Variants in CLEC2B observed in about 807,000 individuals in gnomAD.
The protein encoded by CLEC2B is C-type (calcium dependent, carbohydrate-recognition domain) lectin, superfamily member 2 (activation-induced).
Under a neutral mutation model 16.2 loss-of-function variants are expected in CLEC2B, and 14 were observed. That is an observed-to-expected ratio of 0.86 (90% confidence interval 0.57 to 1.35). The LOEUF is 1.35. Ranked by LOEUF, CLEC2B falls within the 40% of genes most tolerant of loss-of-function variation. The pLI is 0.00. For synonymous variants in CLEC2B, 42 were observed against 55.8 expected (o/e 0.75, Z 1.10); for missense variants, 166 against 182.3 (o/e 0.91, Z 0.52).
chr12:9,860,394 T>C (rs914287469), intron 2 of CLEC2B, among the ~76,000 whole-genome samples: 4 of 151,832 alleles, frequency 2.6e-5, no homozygotes, highest in African/African-American at 7.2e-5. Context: ...ATAGTGTTAA[T>C]GAAAATACTT....
chr12:9,852,984 G>T lies in CLEC2B; in HGVS notation c.*316C>A. 4.1e-6 allele frequency: 1 copy of T among 244,746 alleles called. No homozygotes were observed. The highest frequency in any genetic ancestry group is 1.1e-4 in the East Asian group (1 of 9,466). The allele number at this position is 244,746 out of a possible 1,614,324, so 15.2% of individuals were successfully genotyped here. A position where few individuals can be genotyped will look rare whatever the true frequency, so the allele number is the denominator to read the frequency against. On this transcript the variant is annotated 3_prime_UTR_variant, in exon 5 of 5. Coordinates refer to ENST00000228438, the MANE Select transcript of CLEC2B (RefSeq NM_005127.3). ...TCTGGTACTCAAATTGTTCCATATTGGGTCATGAAAGTCCTGTCTAAGTGC... is the reference window on the plus strand; with the variant it reads ...TCTGGTACTCAAATTGTTCCATATTTGGTCATGAAAGTCCTGTCTAAGTGC...
intron 2 of CLEC2B, among the ~76,000 whole-genome samples, chr12:9,858,406 A>G (rs1286990417): frequency 1.3e-5 from 2 of 152,038 alleles, no homozygotes; most frequent in African/African-American, 4.8e-5. Context: ...TTTCTACATA[A>G]AAGCCTTATT....
rs202174326 is a variant in CLEC2B at position 9,857,602 on chromosome 12, A to C, written c.109T>G (p.Tyr37Asp). 6.2e-7 allele frequency: 1 copy of C among 1,610,950 alleles called. No homozygotes were observed. The change falls in exon 3 of 5, where the codon TAT becomes GAT. Residue 37 changes from tyrosine (Y) to aspartate (D), a missense_variant. Transcript: ENST00000228438. ...TTGTTTTGGAAACCAATCCAATCAT[A>C]GGGGCATAAACTCTGAGAATCTCGA... ...LTRDSQSLCP[Y>D]DWIGFQNKCY...
chr12:9,853,059 A>AAG lies in CLEC2B; in HGVS notation c.*239_*240dup. 2 of 268,014 alleles carry AAG rather than the reference A, an allele frequency of 7.5e-6. No homozygotes were observed. Among genetic ancestry groups the AAG allele is most frequent in the South Asian group, 7.6e-5 (2 of 26,402 alleles). The allele number at this position is 268,014 out of a possible 1,614,324, so 16.6% of individuals were successfully genotyped here. On this transcript the variant is annotated 3_prime_UTR_variant, in exon 5 of 5. Transcript: ENST00000228438. Reference sequence around the variant, plus strand: ...TTGTTTTCTGGTTTACAGTTAAAAAAAGAAAGAAAGAAAGAAAGAAAGAAA... The same window carrying AAG: ...TTGTTTTCTGGTTTACAGTTAAAAAAAGAGAAAGAAAGAAAGAAAGAAAGAAA...
At chr12:9,856,934 GC>G (rs1289936329) in intron 3 of CLEC2B, 1 of 152,124 alleles carries the variant, frequency 6.6e-6, no homozygotes, top group Non-Finnish European at 1.5e-5. Flanking sequence ...ATTTGTACCT[GC>G]TTTGTGCATA....
chr12:9,860,741 T>A (rs1867926941), intron 2 of CLEC2B, among the ~76,000 whole-genome samples: 1 of 151,834 alleles, frequency 6.6e-6, no homozygotes, highest in Non-Finnish European at 1.5e-5. Flanking sequence ...TGAGACAGAA[T>A]GATATAGATA....
At chr12:9,863,555 A>C (rs1867948913) in intron 1 of CLEC2B, among the ~76,000 whole-genome samples, 1 of 152,200 alleles carries the variant, frequency 6.6e-6, no homozygotes, top group South Asian at 2.1e-4. Context: ...CTAAAATAAC[A>C]CAAAAAACAA....
At chr12:9,861,808 T>C (rs895653149) in intron 2 of CLEC2B, among the ~76,000 whole-genome samples, 1 of 152,142 alleles carries the variant, frequency 6.6e-6, no homozygotes, top group African/African-American at 2.4e-5. Context: ...TAATTAAAAA[T>C]GAACAATATT....
chr12:9,868,798 C>T (rs1867991507), intron 1 of CLEC2B, among the ~76,000 whole-genome samples: 1 of 151,998 alleles, frequency 6.6e-6, no homozygotes, highest in African/African-American at 2.4e-5. Flanking sequence ...CTCCTAAAGC[C>T]CGGAGTATCT....
chr12:9,853,390 A>C lies in CLEC2B; in HGVS notation c.360T>G (p.Ser120Arg). The C allele has an allele frequency of 6.2e-7, 1 of 1,613,704 alleles. No individual in the cohort carries two copies. The highest frequency in any genetic ancestry group is 8.5e-7 in the Non-Finnish European group (1 of 1,179,754). Reference protein sequence around the residue: ...TFTKSFGMRGSEGCAYLSDDG... With the variant: ...TFTKSFGMRGREGCAYLSDDG... Reference sequence around the variant, plus strand: ...CATCGCTGAGGTAGGCACATCCTTCACTCCCTCTCATGCCAAACCTGCAAC... The same window carrying C: ...CATCGCTGAGGTAGGCACATCCTTCCCTCCCTCTCATGCCAAACCTGCAAC... The change falls in exon 5 of 5, where the codon AGT (serine) becomes AGG (arginine). Residue 120 changes from serine (S) to arginine (R), a missense_variant. Transcript: ENST00000228438.
At chr12:9,862,211 C>T (rs1475196013) in intron 2 of CLEC2B, among the ~76,000 whole-genome samples, 1 of 151,698 alleles carries the variant, frequency 6.6e-6, no homozygotes, top group Non-Finnish European at 1.5e-5. Flanking sequence ...TTTTAGTAGG[C>T]AAAACTAAGC....
Position 9,868,463 on chromosome 12 carries a change from C to T in CLEC2B, c.-3+742G>A, listed in dbSNP as rs1037905332. Among the ~76,000 whole-genome samples, 6 of 152,006 alleles carry T rather than the reference C, an allele frequency of 3.9e-5. No homozygotes were observed. In the East Asian group the frequency reaches 9.6e-4, roughly 24 times the overall value. On this transcript the variant is annotated intron_variant, in intron 1 of 4. Coordinates refer to ENST00000228438, the MANE Select transcript of CLEC2B (RefSeq NM_005127.3). ...GCTGGTAGGTTGACATTTAGTTAAA[C>T]GGGAAATGCTTAAAGCTCATCACAG...
chr12:9,866,225 T>G (rs1867969209), intron 1 of CLEC2B, among the ~76,000 whole-genome samples: 1 of 152,142 alleles, frequency 6.6e-6, no homozygotes, highest in African/African-American at 2.4e-5. Context: ...ATTAATTTTC[T>G]TTAAACCTCA....
At chr12:9,853,735 G>A (rs80166617) in intron 4 of CLEC2B, among the ~76,000 whole-genome samples, 3,215 of 152,180 alleles carry the variant, frequency 0.021, 111 homozygotes, top group African/African-American at 0.073. Context: ...TGTCTCAAGC[G>A]GAGGCAGAGG....
At chr12:9,867,264 AAAGT>A (rs1867977577) in intron 1 of CLEC2B, 1 of 152,178 alleles carries the variant, frequency 6.6e-6, no homozygotes, top group South Asian at 2.1e-4. Flanking sequence ...CAAATGACAG[AAAGT>A]AAGTAAACTG....
chr12:9,867,788 A>G (rs1038033413), intron 1 of CLEC2B, among the ~76,000 whole-genome samples: 3 of 152,146 alleles, frequency 2.0e-5, no homozygotes, highest in Admixed American at 1.3e-4. Flanking sequence ...TGTATAATCT[A>G]AACAGTTAAG....
At chr12:9,859,502 T>C (rs118001270) in intron 2 of CLEC2B, among the ~76,000 whole-genome samples, 2,725 of 151,900 alleles carry the variant, frequency 0.018, 39 homozygotes, top group Non-Finnish European at 0.029. Context: ...ACTGACAAGA[T>C]AAAAGCAGCA....
intron 1 of CLEC2B, among the ~76,000 whole-genome samples, chr12:9,865,319 G>T (rs1296980870): frequency 6.6e-6 from 1 of 151,512 alleles, no homozygotes; most frequent in Non-Finnish European, 1.5e-5. Flanking sequence ...GATGAACAAA[G>T]ATATTCCATG....
chr12:9,853,208 A>G lies in CLEC2B; in HGVS notation c.*92T>C. ...AAGCAGAATTAACCAGACAGGTACAAAACTCGAACTTTGTTTAATTAAAAA... is the reference window on the plus strand; with the variant it reads ...AAGCAGAATTAACCAGACAGGTACAGAACTCGAACTTTGTTTAATTAAAAA... On this transcript the variant is annotated 3_prime_UTR_variant, in exon 5 of 5. Coordinates refer to ENST00000228438, the MANE Select transcript of CLEC2B (RefSeq NM_005127.3). 1 of 1,018,478 alleles carries G rather than the reference A, an allele frequency of 9.8e-7. No individual in the cohort carries two copies. Among genetic ancestry groups the G allele is most frequent in the South Asian group, 1.4e-5 (1 of 71,610 alleles). 63.1% of individuals were successfully genotyped at this position (1,018,478 alleles called of 1,614,324 possible).
Sources: allele counts gnomAD v4.1 joint callset (sites outside exome capture counted in the v4.1 genomes callset), GRCh38; gene constraint gnomAD v4.1.1; transcripts MANE v1.5; gene names NCBI Gene and HGNC (gene_info 2026-07-23, HGNC 2026-07-21).